The following CHRDL2 variants were observed in gnomAD, a reference collection of about 807,000 sequenced individuals.
CHRDL2 encodes chordin like 2.
CHRDL2 carries 41 observed loss-of-function variants against 54.3 expected under a neutral mutation model. The observed-to-expected ratio is 0.76, with a 90% CI of 0.59 to 0.98. CHRDL2 has a LOEUF of 0.98. Among genes scored for constraint, CHRDL2 ranks in the 50% least tolerant of loss-of-function variants. CHRDL2 has a pLI of 0.00. For synonymous variants in CHRDL2, 220 were observed against 224.3 expected, an observed-to-expected ratio of 0.98 and a Z score of 0.17; for missense variants, 518 against 562.4, an observed-to-expected ratio of 0.92 and a Z score of 0.80.
intron 1 of CHRDL2, among the ~76,000 whole-genome samples, chr11:74,719,890 C>G (rs1388938088): frequency 6.6e-6 from 1 of 152,164 alleles, no homozygotes; most frequent in East Asian, 1.9e-4. Context: ...ACCTCCCAGC[C>G]CAGCACTGCA....
At position 74,726,887 on chromosome 11, in the gene CHRDL2, T is replaced by C. The variant is rs896726071; in HGVS notation, c.82+3920A>G. Among the ~76,000 whole-genome samples, 3 of 152,202 alleles carry C rather than the reference T, an allele frequency of 2.0e-5. No homozygotes were observed. In the East Asian group the frequency reaches 5.8e-4, roughly 29 times the overall value. On this transcript the variant is annotated intron_variant, in intron 1 of 10. Coordinates refer to ENST00000376332, the MANE Select transcript of CHRDL2 (RefSeq NM_001278473.3). ...GCACACCTGCACAGGTAGATGGGGA[T>C]GCGACTAAGCTGGACAGACAAGCAG...
At chr11:74,705,217 C>G (rs2033970449) in intron 6 of CHRDL2, among the ~76,000 whole-genome samples, 2 of 152,120 alleles carry the variant, frequency 1.3e-5, no homozygotes, top group Admixed American at 1.3e-4. Flanking sequence ...TCCAAAACCC[C>G]CAGACCCTGT....
intron 1 of CHRDL2, among the ~76,000 whole-genome samples, chr11:74,725,235 C>T (rs1362589198): frequency 6.6e-6 from 1 of 152,036 alleles, no homozygotes; most frequent in African/African-American, 2.4e-5. Context: ...TCGTGATCCA[C>T]CCGCCAGGGC....
intron 1 of CHRDL2, among the ~76,000 whole-genome samples, chr11:74,727,875 A>G (rs60233957): frequency 0.013 from 2,001 of 152,248 alleles, 38 homozygotes; most frequent in African/African-American, 0.044. Flanking sequence ...AGAAGATAGT[A>G]GGCCTCTGGT....
rs1390356718 is a variant in CHRDL2, at chr11:74,718,704, G to A, written c.195+16C>T. On this transcript the variant is annotated intron_variant, in intron 2 of 10. Transcript: ENST00000376332. ...ACATCCCTGACACAGGTGGTCAGGT[G>A]GCCAGAGGAACCTACCTCTGAGCAG... 6.4e-7 allele frequency: 1 copy of A among 1,564,832 alleles called. No individual in the cohort carries two copies.
intron 2 of CHRDL2, among the ~76,000 whole-genome samples, chr11:74,718,038 G>A (rs377068348): frequency 3.9e-5 from 6 of 152,146 alleles, no homozygotes; most frequent in African/African-American, 1.2e-4. Context: ...CATGGGGTGC[G>A]ATGGGGTGGG....
In CHRDL2 at chr11:74,702,733, TG is replaced by T. The variant is rs1327180921; in HGVS notation, c.1120+60del. ...ACGTCCCTAAGGCCCCTGTGGGGTCTGGGGCACGGGAAGGGGGACTGGCCAG... is the reference window on the plus strand; with the variant it reads ...ACGTCCCTAAGGCCCCTGTGGGGTCTGGGCACGGGAAGGGGGACTGGCCAG... On this transcript the variant is annotated intron_variant, in intron 9 of 10. Coordinates refer to ENST00000376332, the MANE Select transcript of CHRDL2 (RefSeq NM_001278473.3). 6 of 1,570,602 alleles carry T rather than the reference TG, an allele frequency of 3.8e-6. No homozygotes were observed. The East Asian group carries it at 1.3e-4, about 35-fold the overall frequency.
At chr11:74,714,868 G>A (rs1241788057) in intron 2 of CHRDL2, among the ~76,000 whole-genome samples, 2 of 152,164 alleles carry the variant, frequency 1.3e-5, no homozygotes, top group African/African-American at 4.8e-5. Flanking sequence ...ATGGAGACAG[G>A]TTAGCGGTGA....
chr11:74,717,101 CAAACAAACAAAA>C (rs1277568634), intron 2 of CHRDL2, among the ~76,000 whole-genome samples: 33 of 151,298 alleles, frequency 2.2e-4, no homozygotes, highest in African/African-American at 7.3e-4. Flanking sequence ...CTCAAACAAA[CAAACAAACAAAA>C]AAAAAAAACC....
chr11:74,711,604 C>A (rs1228012092), intron 3 of CHRDL2, among the ~76,000 whole-genome samples: 1 of 152,196 alleles, frequency 6.6e-6, no homozygotes, highest in Non-Finnish European at 1.5e-5. Context: ...TGACTAAGCA[C>A]TCCTCTGTTC....
chr11:74,708,799 G>T (rs1439472669), intron 4 of CHRDL2, among the ~76,000 whole-genome samples: 3 of 152,236 alleles, frequency 2.0e-5, no homozygotes, highest in African/African-American at 4.8e-5. Flanking sequence ...GGACAGGTGG[G>T]TGATACCTGG....
intron 1 of CHRDL2, among the ~76,000 whole-genome samples, chr11:74,728,770 T>C (rs2135281667): frequency 6.6e-6 from 1 of 152,342 alleles, no homozygotes; most frequent in South Asian, 2.1e-4. Context: ...AGTATAGGTA[T>C]ATTGATGGGT....
intron 9 of CHRDL2, chr11:74,701,538 A>G (rs1347566603): frequency 1.4e-6 from 1 of 711,254 alleles, no homozygotes; most frequent in Non-Finnish European, 2.6e-6. Context: ...GAGCAGGGAA[A>G]GAGCCGCATC....
At chr11:74,700,270 C>G (rs1399426322) in intron 9 of CHRDL2, among the ~76,000 whole-genome samples, 1 of 152,238 alleles carries the variant, frequency 6.6e-6, no homozygotes, top group Non-Finnish European at 1.5e-5. Context: ...AATCACAGAG[C>G]ACAGGGCATA....
intron 2 of CHRDL2, among the ~76,000 whole-genome samples, chr11:74,713,845 G>A (rs1732596123): frequency 1.3e-5 from 2 of 152,170 alleles, no homozygotes; most frequent in South Asian, 4.1e-4. Flanking sequence ...CTGGGCCTGA[G>A]CCTTGTGGTC....
intron 4 of CHRDL2, among the ~76,000 whole-genome samples, chr11:74,710,241 C>T (rs1040633109): frequency 5.3e-5 from 8 of 151,586 alleles, no homozygotes; most frequent in South Asian, 2.1e-4. Context: ...AAATGACACG[C>T]GGAAAGCCAC....
At chr11:74,712,779 T>G (rs2034238527) in intron 3 of CHRDL2, among the ~76,000 whole-genome samples, 1 of 152,308 alleles carries the variant, frequency 6.6e-6, no homozygotes, top group South Asian at 2.1e-4. Context: ...TGCCCCTCAC[T>G]GGACACTTGG....
rs761517458 is a variant in CHRDL2, at chr11:74,696,573, A to C, written c.1226T>G (p.Val409Gly). ...LAGPHEGHWN[V>G]FLAQTLELKV... ...CAGCTCCAGGGTCTGGGCTAGGAAGACGTTCCAGTGACCTGCATGGAGGAG... is the reference window on the plus strand; with the variant it reads ...CAGCTCCAGGGTCTGGGCTAGGAAGCCGTTCCAGTGACCTGCATGGAGGAG... The change falls in exon 11 of 11, where the codon GTC (valine) becomes GGC (glycine). Residue 409 changes from valine to glycine, a missense_variant. By Grantham distance (109) the Val-to-Gly change is moderately radical (BLOSUM62 -3). Transcript: ENST00000376332. 1 of 1,613,676 alleles carries C rather than the reference A, an allele frequency of 6.2e-7. No individual in the cohort carries two copies. Among genetic ancestry groups the C allele is most frequent in the Non-Finnish European group, 8.5e-7 (1 of 1,179,942 alleles).
Position 74,730,092 on chromosome 11 carries a change from G to A in CHRDL2, c.82+715C>T, listed in dbSNP as rs773224997. On this transcript the variant is annotated intron_variant, in intron 1 of 10. Coordinates refer to ENST00000376332, the MANE Select transcript of CHRDL2 (RefSeq NM_001278473.3). The stretch of plus-strand genomic sequence containing the variant: ...GATTAGGAAACCCAGGGTCAGAGAG[G>A]TGCACTCTGTGACGGCCTCCCAGCA... 4.3e-4 allele frequency among the ~76,000 whole-genome samples: 66 copies of A among 152,244 alleles called. No homozygotes were observed. The Middle Eastern group carries it at 0.014, about 31-fold the overall frequency.
Sources: gnomAD v4.1 joint callset for allele counts (sites outside exome capture counted in the v4.1 genomes callset) on GRCh38, gnomAD v4.1.1 for gene constraint, MANE v1.5 for transcripts, NCBI Gene and HGNC (gene_info 2026-07-23, HGNC 2026-07-21) for gene names.